The following CDH12 variants were observed in gnomAD, a reference collection of about 807,000 sequenced individuals.
The protein encoded by CDH12 is cadherin-12.
CDH12 carries 41 observed loss-of-function variants against 74.1 expected under a neutral mutation model. The observed-to-expected ratio is 0.55, with a 90% CI of 0.43 to 0.72. CDH12 has a LOEUF of 0.72. Ranked by LOEUF, CDH12 falls within the 30% of genes least tolerant of loss-of-function variation. The pLI, the probability that CDH12 is intolerant of heterozygous loss-of-function variation, is 0.00. For synonymous variants in CDH12, 399 were observed against 355.0 expected (o/e 1.12, Z -1.39); for missense variants, 945 against 977.2 (o/e 0.97, Z 0.44).
At chr5:22,633,646 T>G (rs2126860116) in intron 1 of CDH12, among the ~76,000 whole-genome samples, 1 of 152,250 alleles carries the variant, frequency 6.6e-6, no homozygotes, top group Middle Eastern at 3.4e-3. Context: ...ATGGCCAGAC[T>G]GTTTGAGGTA....
intron 6 of CDH12, among the ~76,000 whole-genome samples, chr5:21,878,540 G>T (rs1473806179): frequency 7.4e-6 from 1 of 134,412 alleles, no homozygotes; most frequent in Non-Finnish European, 1.5e-5. Context: ...ACCAGCCAGG[G>T]CAACATGGTG....
chr5:22,694,777 A>G lies in CDH12; in HGVS notation c.-523+158281T>C, dbSNP rs1374479207. On this transcript the variant is annotated intron_variant, in intron 1 of 14. Coordinates refer to ENST00000382254, the MANE Select transcript of CDH12 (RefSeq NM_004061.5). ...TGTTTTAAGTTACTATGGCATATATATATACACACACACATATATGTATAC... is the reference window on the plus strand; with the variant it reads ...TGTTTTAAGTTACTATGGCATATATGTATACACACACACATATATGTATAC... 3.3e-5 allele frequency among the ~76,000 whole-genome samples: 5 copies of G among 152,012 alleles called. No individual in the cohort carries two copies. In the East Asian group the frequency reaches 7.7e-4, roughly 24 times the overall value.
chr5:22,687,650 A>G (rs1741881994), intron 1 of CDH12, among the ~76,000 whole-genome samples: 1 of 152,132 alleles, frequency 6.6e-6, no homozygotes, highest in African/African-American at 2.4e-5. Context: ...CCTGAGCTCA[A>G]GTGACCCACC....
At chr5:22,072,118 G>A (rs142841759) in intron 5 of CDH12, among the ~76,000 whole-genome samples, 103 of 151,728 alleles carry the variant, frequency 6.8e-4, no homozygotes, top group Admixed American at 1.1e-3. Context: ...CTTTTTCCCC[G>A]TCTTCAATGC....
chr5:22,633,729 T>C lies in CDH12; in HGVS notation c.-522-128365A>G, dbSNP rs142309213. Among the ~76,000 whole-genome samples the C allele has an allele frequency of 9.3e-3, 1,409 of 152,298 alleles. 9 individuals are homozygous for C. The highest frequency in any genetic ancestry group is 0.027 in the Middle Eastern group (8 of 294). The stretch of plus-strand genomic sequence containing the variant: ...CAAATCTAGGCTAGAATCTGTATAA[T>C]CTTCTCTCTGGTTCTCAGGCTTTGA... On this transcript the variant is annotated intron_variant, in intron 1 of 14. Coordinates refer to ENST00000382254, the MANE Select transcript of CDH12 (RefSeq NM_004061.5).
At chr5:22,165,267 C>A (rs1156284891) in intron 4 of CDH12, among the ~76,000 whole-genome samples, 2 of 152,144 alleles carry the variant, frequency 1.3e-5, no homozygotes, top group Admixed American at 6.5e-5. Context: ...TGAGTTCATC[C>A]TCTGTTAATC....
intron 1 of CDH12, among the ~76,000 whole-genome samples, chr5:22,622,448 T>C (rs1243853552): frequency 6.6e-6 from 1 of 151,862 alleles, no homozygotes; most frequent in Non-Finnish European, 1.5e-5. Context: ...TGATTCCCAG[T>C]GACTCCCCAG....
intron 4 of CDH12, among the ~76,000 whole-genome samples, chr5:22,168,333 G>A (rs1267176927): frequency 6.6e-6 from 1 of 151,962 alleles, no homozygotes; most frequent in South Asian, 2.1e-4. Context: ...CACTGACACT[G>A]TCCATTGTTC....
chr5:22,465,180 A>T (rs1228418788), intron 2 of CDH12, among the ~76,000 whole-genome samples: 1 of 152,158 alleles, frequency 6.6e-6, no homozygotes, highest in Non-Finnish European at 1.5e-5. Flanking sequence ...TTGTATATCC[A>T]GTCTAATTCC....
chr5:22,122,239 C>A (rs1308321213), intron 4 of CDH12, among the ~76,000 whole-genome samples: 1 of 151,976 alleles, frequency 6.6e-6, no homozygotes, highest in Non-Finnish European at 1.5e-5. Flanking sequence ...CCCGTCTCTA[C>A]TAAAAATACA....
intron 1 of CDH12, among the ~76,000 whole-genome samples, chr5:22,716,150 C>G (rs1196966507): frequency 6.6e-6 from 1 of 151,876 alleles, no homozygotes; most frequent in Admixed American, 6.6e-5. Context: ...AACAAACAAA[C>G]AAACAAAAAA....
chr5:22,564,355 T>A (rs1026956436), intron 1 of CDH12, among the ~76,000 whole-genome samples: 9 of 152,204 alleles, frequency 5.9e-5, no homozygotes, highest in African/African-American at 1.9e-4. Context: ...CAAGTGTATT[T>A]TATATATCAA....
intron 3 of CDH12, among the ~76,000 whole-genome samples, chr5:22,280,366 T>A (rs968366772): frequency 2.6e-5 from 4 of 151,918 alleles, no homozygotes; most frequent in Non-Finnish European, 5.9e-5. Context: ...AAGAAATAAC[T>A]AAGATCAGAG....
chr5:22,757,575 A>T lies in CDH12; in HGVS notation c.-523+95483T>A, dbSNP rs141911946. ...TATTCAGATGTTTTCATTAAAAGAAAAAAAGATTGTTAACATACATGGATA... is the reference window on the plus strand; with the variant it reads ...TATTCAGATGTTTTCATTAAAAGAATAAAAGATTGTTAACATACATGGATA... On this transcript the variant is annotated intron_variant, in intron 1 of 14. Coordinates refer to ENST00000382254, the MANE Select transcript of CDH12 (RefSeq NM_004061.5). 1.8e-4 allele frequency among the ~76,000 whole-genome samples: 27 copies of T among 152,346 alleles called. No individual in the cohort carries two copies. The East Asian group carries it at 4.2e-3, about 24-fold the overall frequency.
At chr5:21,804,643 A>AACAC (rs11281181) in intron 9 of CDH12, among the ~76,000 whole-genome samples, 39 of 115,362 alleles carry the variant, frequency 3.4e-4, no homozygotes, top group African/African-American at 1.2e-3. Flanking sequence ...AGTGAATTAA[A>AACAC]ACACACACAC....
chr5:22,559,246 A>G (rs1738938716), intron 1 of CDH12, among the ~76,000 whole-genome samples: 2 of 152,112 alleles, frequency 1.3e-5, no homozygotes, highest in South Asian at 4.1e-4. Flanking sequence ...AGGAATCTCA[A>G]TAAAATGAAA....
chr5:22,493,154 T>C (rs1230344116), intron 2 of CDH12, among the ~76,000 whole-genome samples: 1 of 152,214 alleles, frequency 6.6e-6, no homozygotes, highest in Non-Finnish European at 1.5e-5. Flanking sequence ...ACTCGTATCT[T>C]GGCTTAAATG....
chr5:21,921,507 A>C (rs866821876), intron 6 of CDH12, among the ~76,000 whole-genome samples: 35 of 152,242 alleles, frequency 2.3e-4, no homozygotes, highest in Middle Eastern at 6.8e-3. Context: ...AACCCAAACT[A>C]TATAGGGCTT....
At chr5:22,247,621 G>T (rs895605375) in intron 3 of CDH12, among the ~76,000 whole-genome samples, 2 of 151,956 alleles carry the variant, frequency 1.3e-5, no homozygotes, top group Non-Finnish European at 2.9e-5. Context: ...GCTGCAGTGA[G>T]CTGAGATCAC....
Sources: gnomAD v4.1 joint callset for allele counts (sites outside exome capture counted in the v4.1 genomes callset) on GRCh38, gnomAD v4.1.1 for gene constraint, MANE v1.5 for transcripts, NCBI Gene and HGNC (gene_info 2026-07-23, HGNC 2026-07-21) for gene names.